Variants in PSG8 observed in about 807,000 individuals in gnomAD.
The protein encoded by PSG8 is pregnancy specific beta-1-glycoprotein 8, also known as pregnancy-specific beta-1-glycoprotein 8.
A neutral mutation model predicts 42.5 loss-of-function variants in PSG8; 57 were observed. That is an observed-to-expected ratio of 1.34 (90% CI 1.08 to 1.67). PSG8 has a LOEUF of 1.67. PSG8 is among the 40% of genes most tolerant of loss of function. The pLI is 0.00. For missense variants in PSG8, 783 were observed against 518.6 expected (o/e 1.51, Z -4.95); for synonymous variants, 280 against 196.8 (o/e 1.42, Z -3.54).
intron 2 of PSG8, 177 bp from the exon 3 acceptor site, chr19:42,758,457 A>T: frequency 2.2e-6 from 3 of 1,339,660 alleles, no homozygotes; most frequent in Non-Finnish European, 3.0e-6. Flanking sequence ...AGAGGTTGTG[A>T]GGCTGCCTGC....
intron 2 of PSG8, among the ~76,000 whole-genome samples, chr19:42,761,320 A>G (rs10422702): frequency 6.6e-6 from 1 of 152,176 alleles, no homozygotes; most frequent in Non-Finnish European, 1.5e-5. Flanking sequence ...CTGCCTTTGT[A>G]AAACTAGTGA....
intron 2 of PSG8, among the ~76,000 whole-genome samples, chr19:42,761,195 C>T (rs1050702281): frequency 3.9e-5 from 6 of 152,178 alleles, no homozygotes; most frequent in African/African-American, 1.4e-4. Flanking sequence ...TGTCCTCACT[C>T]ATTGCTGGGC....
downstream of PSG8, among the ~76,000 whole-genome samples, chr19:42,753,650 G>C (rs1001156721): frequency 2.6e-5 from 4 of 152,128 alleles, no homozygotes; most frequent in African/African-American, 9.7e-5. Context: ...AGGAATCTGA[G>C]ATTAAACTTT....
At chr19:42,764,506 C>T (rs1339844372) in intron 1 of PSG8, among the ~76,000 whole-genome samples, 2 of 151,874 alleles carry the variant, frequency 1.3e-5, no homozygotes, top group African/African-American at 4.8e-5. Flanking sequence ...CCCCATGACC[C>T]CCATTCCTTC....
intron 2 of PSG8, among the ~76,000 whole-genome samples, chr19:42,760,149 A>T (rs555022698): frequency 4.6e-5 from 7 of 152,320 alleles, no homozygotes; most frequent in East Asian, 3.9e-4. Flanking sequence ...ACACCACTAG[A>T]GTTTAAGTTT....
chr19:42,755,238 G>C lies in PSG8; in HGVS notation c.738C>G (p.Ile246Met), dbSNP rs1451794178. ...LPKLPKPYITINNLKPRENKD... is the reference protein window; with the variant it reads ...LPKLPKPYITMNNLKPRENKD... ...TATTCTCCCTGGGTTTTAAGTTGTT[G>C]ATGGTGATGTAGGGCTTGGGCAGCT... The change falls in exon 4 of 5, where the codon ATC becomes ATG. Residue 246 changes from isoleucine (I) to methionine (M), a missense_variant. Transcript: ENST00000306511. 1 of 1,612,096 alleles carries C rather than the reference G, an allele frequency of 6.2e-7. No homozygotes were observed. The highest frequency in any genetic ancestry group is 1.3e-5 in the African/African-American group (1 of 74,854).
chr19:42,753,136 T>C (rs1238242783), downstream of PSG8: 1 of 676,476 alleles, frequency 1.5e-6, no homozygotes, highest in African/African-American at 1.8e-5. Context: ...CTGTCCACAG[T>C]GTGAAGTCAT....
chr19:42,753,893 T>C (rs1457285894), downstream of PSG8: 1 of 499,712 alleles, frequency 2.0e-6, no homozygotes, highest in Non-Finnish European at 3.9e-6. Context: ...GTTGCCCAAT[T>C]CTGGGGCAGT....
Position 42,754,525 on chromosome 19 carries a change from A to G in PSG8, c.1051T>C (p.Tyr351His). 1.2e-6 allele frequency: 2 copies of G among 1,613,886 alleles called. No homozygotes were observed. The highest frequency in any genetic ancestry group is 1.7e-6 in the Non-Finnish European group (2 of 1,179,840). ...TTAGAGTCCGCAGAACAGGACAAGTAGAGGACTTCTCCTGAACGGTAATAG... is the reference window on the plus strand; with the variant it reads ...TTAGAGTCCGCAGAACAGGACAAGTGGAGGACTTCTCCTGAACGGTAATAG... ...FTYYRSGEVL[Y>H]LSCSADSNPP... The change falls in exon 5 of 5, where the codon TAC becomes CAC. Residue 351 changes from tyrosine (Y) to histidine (H), a missense_variant. Tyr to His is a moderately conservative substitution (Grantham distance 83, BLOSUM62 2). Transcript: ENST00000306511.
chr19:42,759,144 C>T (rs1167244365), intron 2 of PSG8, among the ~76,000 whole-genome samples: 4 of 151,966 alleles, frequency 2.6e-5, no homozygotes, highest in Admixed American at 6.6e-5. Flanking sequence ...GAAGTCTGGC[C>T]CTCATGGACC....
downstream of PSG8, chr19:42,753,247 C>T (rs1969825417): frequency 3.9e-6 from 3 of 778,090 alleles, no homozygotes; most frequent in South Asian, 2.7e-5. Flanking sequence ...AGGGTTTTCC[C>T]ATGAAATTTA....
chr19:42,764,941 A>T (rs1414196712), intron 1 of PSG8, among the ~76,000 whole-genome samples: 3 of 151,756 alleles, frequency 2.0e-5, no homozygotes, highest in Admixed American at 6.6e-5. Flanking sequence ...CCCTGTGTAT[A>T]TTTTTATGTG....
intron 2 of PSG8, among the ~76,000 whole-genome samples, chr19:42,762,757 G>A (rs1429852537): frequency 1.3e-5 from 2 of 152,120 alleles, no homozygotes; most frequent in Non-Finnish European, 2.9e-5. Context: ...GGTTGAGGCA[G>A]GTGATTTAGT....
chr19:42,764,280 T>C lies in PSG8; in HGVS notation c.66A>G (p.Ala22=), dbSNP rs145150049. The C allele has an allele frequency of 1.9e-5, 31 of 1,611,954 alleles. No homozygotes were observed. The highest frequency in any genetic ancestry group is 4.0e-5 in the African/African-American group (3 of 74,782). The change falls in exon 2 of 5, where the codon GCA becomes GCG. Residue 22 remains alanine, a splice_region_variant and synonymous_variant. Transcript: ENST00000306511. Reference sequence around the variant, plus strand: ...GTGGGTTCCAGAAGTTTAAAAGTGATGCTAGGAGGTGGAGAGAGCATCAGT... The same window carrying C: ...GTGGGTTCCAGAAGTTTAAAAGTGACGCTAGGAGGTGGAGAGAGCATCAGT... The part of the protein sequence containing the change: ...RITWKGLLLT[A]SLLNFWNPPT...
At chr19:42,760,679 T>C (rs1340085715) in intron 2 of PSG8, among the ~76,000 whole-genome samples, 1 of 151,992 alleles carries the variant, frequency 6.6e-6, no homozygotes, top group African/African-American at 2.4e-5. Flanking sequence ...GCCTCCTAGG[T>C]TCACGCCATT....
intron 2 of PSG8, 92 bp from the exon 3 acceptor site, chr19:42,758,372 C>T (rs532684110): frequency 5.3e-5 from 82 of 1,546,194 alleles, no homozygotes; most frequent in Non-Finnish European, 3.5e-6. Flanking sequence ...TCCCACCTCT[C>T]AGCCCACCCA....
intron 2 of PSG8, 139 bp from the exon 3 acceptor site, chr19:42,758,419 A>G (rs1014564220): frequency 3.5e-5 from 53 of 1,502,346 alleles, no homozygotes; most frequent in Middle Eastern, 4.9e-4. Flanking sequence ...GTGTGTTGCA[A>G]GACAGATGCA....
At chr19:42,755,299 G>A (rs1041589915) in intron 3 of PSG8, 33 bp from the exon 4 acceptor site, 2 of 1,592,510 alleles carry the variant, frequency 1.3e-6, no homozygotes, top group Non-Finnish European at 1.7e-6. Context: ...ATTGTCCTGT[G>A]TGGCACCTTT....
intron 2 of PSG8, among the ~76,000 whole-genome samples, chr19:42,760,294 G>T (rs553986338): frequency 6.6e-6 from 1 of 152,230 alleles, no homozygotes; most frequent in Middle Eastern, 3.4e-3. Context: ...CCATCAGATA[G>T]CACCCACCTG....
Sources: allele counts gnomAD v4.1 joint callset (sites outside exome capture counted in the v4.1 genomes callset), GRCh38; gene constraint gnomAD v4.1.1; transcripts MANE v1.5; gene names NCBI Gene and HGNC (gene_info 2026-07-23, HGNC 2026-07-21).